The following ASTN2 variants were observed in gnomAD, a reference collection of about 807,000 sequenced individuals.
The protein encoded by ASTN2 is astrotactin-2.
ASTN2 carries 54 observed loss-of-function variants against 139.8 expected under a neutral mutation model. That is an observed-to-expected ratio of 0.39 (90% CI 0.31 to 0.48). The LOEUF (loss-of-function observed/expected upper bound fraction) is 0.48, where lower values mean the gene tolerates loss of function less well. Ranked by LOEUF, ASTN2 falls within the 20% of genes least tolerant of loss-of-function variation. The pLI is 0.95. For missense variants in ASTN2, 1,565 were observed against 1,725.1 expected (o/e 0.91, Z 1.64); for synonymous variants, 756 against 719.5 (o/e 1.05, Z -0.81).
chr9:116,640,323 G>T (rs1348646919), intron 17 of ASTN2, among the ~76,000 whole-genome samples: 1 of 152,154 alleles, frequency 6.6e-6, no homozygotes, highest in Non-Finnish European at 1.5e-5. Context: ...AAATTTGGAA[G>T]AGGAGGAGAC....
At chr9:117,016,761 G>A (rs1234190083) in intron 6 of ASTN2, among the ~76,000 whole-genome samples, 8 of 62,044 alleles carry the variant, frequency 1.3e-4, no homozygotes, top group East Asian at 3.9e-4. Flanking sequence ...TTTATATATA[G>A]GTTATATATA....
At chr9:116,528,635 T>C (rs1046547546) in intron 19 of ASTN2, among the ~76,000 whole-genome samples, 1 of 152,188 alleles carries the variant, frequency 6.6e-6, no homozygotes, top group Non-Finnish European at 1.5e-5. Flanking sequence ...GAAAATATAT[T>C]CAGGGCATTT....
At chr9:117,144,229 C>A (rs1023193849) in intron 3 of ASTN2, among the ~76,000 whole-genome samples, 2 of 152,114 alleles carry the variant, frequency 1.3e-5, no homozygotes, top group Non-Finnish European at 2.9e-5. Flanking sequence ...CATGCTAGCA[C>A]CTTGATCTTG....
chr9:116,775,498 G>A (rs1306419049), intron 13 of ASTN2, among the ~76,000 whole-genome samples: 2 of 129,636 alleles, frequency 1.5e-5, no homozygotes, highest in Non-Finnish European at 3.3e-5. Flanking sequence ...AGGGAAGAAG[G>A]GAGGAAAAGA....
At chr9:117,289,915 G>C (rs1045707171) in intron 2 of ASTN2, among the ~76,000 whole-genome samples, 2 of 152,192 alleles carry the variant, frequency 1.3e-5, no homozygotes, top group Admixed American at 1.3e-4. Flanking sequence ...GCTGGGGAGT[G>C]TATGTGTTTT....
chr9:116,758,817 C>A (rs1440475711), intron 13 of ASTN2, among the ~76,000 whole-genome samples: 1 of 152,120 alleles, frequency 6.6e-6, no homozygotes, highest in Non-Finnish European at 1.5e-5. Flanking sequence ...TCTCTGTATT[C>A]CCAGGGCTGC....
rs779932430 is a variant in ASTN2 at position 116,729,082 on chromosome 9, C to G, written c.2536G>C (p.Asp846His). 8 of 1,589,842 alleles carry G rather than the reference C, an allele frequency of 5.0e-6. No homozygotes were observed. The highest frequency in any genetic ancestry group is 1.7e-4 in the Middle Eastern group (1 of 6,028). ...LQLLTGDIRY[D>H]EAMGYPMVQQ... Reference sequence around the variant, plus strand: ...ACCATGGGGTAACCCATGGCCTCATCATACCTGATATCTCCTGGGAGAGAA... The same window carrying G: ...ACCATGGGGTAACCCATGGCCTCATGATACCTGATATCTCCTGGGAGAGAA... The change falls in exon 15 of 23, where the codon GAT becomes CAT. Residue 846 changes from aspartate (D) to histidine (H), a missense_variant. Physicochemically the swap from Asp to His is moderately conservative, Grantham distance 81 (BLOSUM62 -1). Transcript: ENST00000313400.
chr9:116,788,521 A>C (rs928620195), intron 13 of ASTN2, among the ~76,000 whole-genome samples: 8 of 152,210 alleles, frequency 5.3e-5, no homozygotes, highest in Admixed American at 5.2e-4. Flanking sequence ...TCCAAGTGTC[A>C]GAAAGATCCA....
chr9:116,662,074 AT>A (rs1474410960), intron 16 of ASTN2, among the ~76,000 whole-genome samples: 1 of 151,926 alleles, frequency 6.6e-6, no homozygotes, highest in East Asian at 1.9e-4. Context: ...TGGGGACTAA[AT>A]CCACCCTCAG....
intron 1 of ASTN2, among the ~76,000 whole-genome samples, chr9:117,357,389 G>C (rs1829569265): frequency 6.6e-6 from 1 of 152,076 alleles, no homozygotes. Flanking sequence ...TTATGACTTT[G>C]AGATTATCAC....
chr9:116,817,779 G>A (rs1057343280), intron 12 of ASTN2, among the ~76,000 whole-genome samples: 2 of 152,196 alleles, frequency 1.3e-5, no homozygotes, highest in East Asian at 1.9e-4. Flanking sequence ...ATGGTTTACT[G>A]AGTGCTTAAC....
intron 17 of ASTN2, among the ~76,000 whole-genome samples, chr9:116,646,784 G>C (rs1395337612): frequency 6.6e-6 from 1 of 152,176 alleles, no homozygotes; most frequent in East Asian, 1.9e-4. Context: ...GAGAGTAGAA[G>C]TGAGAAGATA....
At chr9:117,178,614 A>T (rs1029131225) in intron 3 of ASTN2, among the ~76,000 whole-genome samples, 1 of 152,190 alleles carries the variant, frequency 6.6e-6, no homozygotes, top group Non-Finnish European at 1.5e-5. Flanking sequence ...ACAAAATCAG[A>T]GGGGGCAAAG....
At chr9:117,314,161 T>C (rs1418340129) in intron 1 of ASTN2, among the ~76,000 whole-genome samples, 1 of 152,200 alleles carries the variant, frequency 6.6e-6, no homozygotes, top group Admixed American at 6.5e-5. Context: ...TTGATTGTTT[T>C]CATAAAACAC....
chr9:116,588,603 T>C (rs1854253921), intron 19 of ASTN2, among the ~76,000 whole-genome samples: 1 of 152,204 alleles, frequency 6.6e-6, no homozygotes, highest in Admixed American at 6.5e-5. Context: ...ATAATAATAG[T>C]GTCTTCATCA....
intron 16 of ASTN2, among the ~76,000 whole-genome samples, chr9:116,697,055 G>A (rs1860897170): frequency 6.6e-6 from 1 of 151,772 alleles, no homozygotes; most frequent in Non-Finnish European, 1.5e-5. Flanking sequence ...TCTTAGGAGT[G>A]AAACTGCTTT....
chr9:117,313,004 C>T (rs1431141515), intron 1 of ASTN2, among the ~76,000 whole-genome samples: 2 of 152,190 alleles, frequency 1.3e-5, no homozygotes, highest in Non-Finnish European at 2.9e-5. Context: ...TGTTTATTTA[C>T]ACGGCTTCAC....
intron 17 of ASTN2, among the ~76,000 whole-genome samples, chr9:116,646,952 T>G (rs568466047): frequency 6.6e-6 from 1 of 152,252 alleles, no homozygotes; most frequent in South Asian, 2.1e-4. Flanking sequence ...TGGTTTTCAT[T>G]CTCTTCCTGA....
Position 116,854,645 on chromosome 9 carries a change from T to TTC in ASTN2, c.2040+8936_2040+8937dup, listed in dbSNP as rs200365941. Among the ~76,000 whole-genome samples the TTC allele has an allele frequency of 7.0e-3, 988 of 140,500 alleles. 21 individuals are homozygous for TTC. Among genetic ancestry groups the TTC allele is most frequent in the African/African-American group, 0.018 (663 of 36,528 alleles). The allele number at this position is 140,500 out of a possible 152,430, so 92.2% of individuals were successfully genotyped here. ...TTCCTGCCTCCAATTTGGGGCTTCC[T>TTC]TCTCTCTTTTTTTTTTTTTTTTTTT... On this transcript the variant is annotated intron_variant, in intron 11 of 22. Coordinates refer to ENST00000313400, the MANE Select transcript of ASTN2 (RefSeq NM_001365068.1).
Sources: allele counts gnomAD v4.1 joint callset (sites outside exome capture counted in the v4.1 genomes callset), GRCh38; gene constraint gnomAD v4.1.1; transcripts MANE v1.5; gene names NCBI Gene and HGNC (gene_info 2026-07-23, HGNC 2026-07-21).